ABCC4: variants seen among roughly 807,000 people sequenced by gnomAD.
ABCC4 encodes the protein ATP-binding cassette sub-family C member 4.
A neutral mutation model predicts 168.5 loss-of-function variants in ABCC4; 102 were observed. That is an observed-to-expected ratio of 0.61 (90% CI 0.52 to 0.71). The LOEUF (loss-of-function observed/expected upper bound fraction) is 0.71. Among genes scored for constraint, ABCC4 ranks in the 30% least tolerant of loss-of-function variants. The probability of loss-of-function intolerance (pLI) is 0.00; values close to 1 mark genes in which losing one functional copy is unlikely to be tolerated. For missense variants in ABCC4, 1,402 were observed against 1,605.8 expected (o/e 0.87, Z 2.17); for synonymous variants, 617 against 590.7 (o/e 1.04, Z -0.65).
chr13:95,210,783 T>A lies in ABCC4; in HGVS notation c.532-2A>T. ...GGCCATGTTACTAAGACGAAGTGCC[T>A]GAAATAAAAGAGGTAAGTAGAGAAT... On this transcript the variant is annotated splice_acceptor_variant, in intron 4 of 30. Transcript: ENST00000645237. LOFTEE classifies it high-confidence loss of function. 6.2e-7 allele frequency: 1 copy of A among 1,611,590 alleles called. No individual in the cohort carries two copies.
chr13:95,163,705 A>C, intron 16 of ABCC4, 58 bp from the exon 17 acceptor site: 11 of 1,419,312 alleles, frequency 7.8e-6, no homozygotes, highest in Non-Finnish European at 1.1e-5. Flanking sequence ...TTACCAACTC[A>C]AAACTCTCAA....
intron 1 of ABCC4, among the ~76,000 whole-genome samples, chr13:95,254,270 G>A (rs1041884782): frequency 6.6e-6 from 1 of 152,026 alleles, no homozygotes; most frequent in South Asian, 2.1e-4. Flanking sequence ...ATTTCTCAGA[G>A]TATTATATGT....
intron 20 of ABCC4, among the ~76,000 whole-genome samples, chr13:95,098,229 C>T (rs2034678109): frequency 1.3e-5 from 2 of 149,858 alleles, no homozygotes; most frequent in African/African-American, 4.9e-5. Flanking sequence ...CTAAGCAATA[C>T]TTAGAGGAAG....
chr13:95,259,841 T>C (rs1359607745), intron 1 of ABCC4, among the ~76,000 whole-genome samples: 1 of 144,940 alleles, frequency 6.9e-6, no homozygotes, highest in Non-Finnish European at 1.5e-5. Flanking sequence ...ACATGTTACA[T>C]CTGTGTAGTG....
At chr13:95,240,808 T>C (rs991884616) in intron 3 of ABCC4, among the ~76,000 whole-genome samples, 5 of 152,018 alleles carry the variant, frequency 3.3e-5, no homozygotes, top group African/African-American at 1.2e-4. Context: ...CTGTCTCTAC[T>C]AAAAATACAA....
At position 95,145,684 on chromosome 13, in the gene ABCC4, A is replaced by G. The variant is rs188783062; in HGVS notation, c.2455+15505T>C. 2.5e-3 allele frequency among the ~76,000 whole-genome samples: 376 copies of G among 152,146 alleles called. 1 individual carries two copies. The highest frequency in any genetic ancestry group is 4.2e-3 in the Non-Finnish European group (284 of 67,986). ...CATAGCACTATTCACAATAGCAAACACAAGGAGTCAACTTAGGTGCCCATC... is the reference window on the plus strand; with the variant it reads ...CATAGCACTATTCACAATAGCAAACGCAAGGAGTCAACTTAGGTGCCCATC... On this transcript the variant is annotated intron_variant, in intron 19 of 30. Coordinates refer to ENST00000645237, the MANE Select transcript of ABCC4 (RefSeq NM_005845.5).
intron 1 of ABCC4, among the ~76,000 whole-genome samples, chr13:95,257,898 C>T (rs546106141): frequency 1.3e-5 from 2 of 152,246 alleles, no homozygotes; most frequent in South Asian, 2.1e-4. Flanking sequence ...TTATCTGTCC[C>T]TGGGAAATAA....
At chr13:95,184,401 T>C (rs2037995079) in intron 11 of ABCC4, among the ~76,000 whole-genome samples, 1 of 152,126 alleles carries the variant, frequency 6.6e-6, no homozygotes. Flanking sequence ...GTTAAAATAG[T>C]TTTCTACCTT....
chr13:95,095,467 C>A (rs2034563487), intron 20 of ABCC4, among the ~76,000 whole-genome samples: 1 of 152,154 alleles, frequency 6.6e-6, no homozygotes, highest in Admixed American at 6.6e-5. Context: ...TATGTTCTCA[C>A]TGATACATGG....
chr13:95,072,662 C>T (rs2033772220), intron 24 of ABCC4, among the ~76,000 whole-genome samples: 1 of 152,144 alleles, frequency 6.6e-6, no homozygotes, highest in Non-Finnish European at 1.5e-5. Context: ...TTAAAGCCTC[C>T]TATACCACCA....
intron 19 of ABCC4, among the ~76,000 whole-genome samples, chr13:95,120,290 G>C (rs1402214835): frequency 6.6e-6 from 1 of 152,214 alleles, no homozygotes; most frequent in Non-Finnish European, 1.5e-5. Flanking sequence ...CTTTGAGCCA[G>C]GCGCGGTGGC....
chr13:95,070,903 T>A (rs2033701334), intron 25 of ABCC4, among the ~76,000 whole-genome samples: 1 of 152,180 alleles, frequency 6.6e-6, no homozygotes, highest in East Asian at 1.9e-4. Context: ...GGAAAGGGCC[T>A]GATAATGTTT....
chr13:95,145,447 C>T (rs2036459182), intron 19 of ABCC4, among the ~76,000 whole-genome samples: 1 of 150,568 alleles, frequency 6.6e-6, no homozygotes, highest in Non-Finnish European at 1.5e-5. Context: ...ATGGTAAAAC[C>T]CCATCTCTAC....
intron 8 of ABCC4, among the ~76,000 whole-genome samples, chr13:95,195,308 T>A (rs2038382610): frequency 6.6e-6 from 1 of 152,210 alleles, no homozygotes; most frequent in Non-Finnish European, 1.5e-5. Flanking sequence ...TTGGAAATGA[T>A]CTGATGAATA....
chr13:95,129,336 A>T (rs1372491994), intron 19 of ABCC4, among the ~76,000 whole-genome samples: 1 of 152,264 alleles, frequency 6.6e-6, no homozygotes, highest in Admixed American at 6.5e-5. Flanking sequence ...ATATTAAAGC[A>T]TAAAGGTAGC....
At chr13:95,055,984 G>T (rs1312006016) in intron 26 of ABCC4, 2 of 151,962 alleles carry the variant, frequency 1.3e-5, no homozygotes, top group African/African-American at 4.8e-5. Context: ...CCCTCAGCAG[G>T]ACTGCAAGAC....
chr13:95,034,772 A>G, intron 29 of ABCC4, 33 bp from the exon 30 acceptor site: 1 of 1,613,306 alleles, frequency 6.2e-7, no homozygotes, highest in Non-Finnish European at 8.5e-7. Flanking sequence ...CCATTGAAAC[A>G]CAATGTTTTG....
intron 25 of ABCC4, among the ~76,000 whole-genome samples, chr13:95,066,412 AG>A (rs11365887): frequency 0.039 from 5,978 of 152,242 alleles, 426 homozygotes; most frequent in African/African-American, 0.14. Flanking sequence ...ACTAGGCGAC[AG>A]GTGCTGTGGG....
chr13:95,255,510 C>T (rs543783960), intron 1 of ABCC4, among the ~76,000 whole-genome samples: 1 of 152,330 alleles, frequency 6.6e-6, no homozygotes, highest in East Asian at 1.9e-4. Flanking sequence ...AGAGCACCCA[C>T]ACCACAGGTG....
Sources: allele counts gnomAD v4.1 joint callset (sites outside exome capture counted in the v4.1 genomes callset), GRCh38; gene constraint gnomAD v4.1.1; transcripts MANE v1.5; gene names NCBI Gene and HGNC (gene_info 2026-07-23, HGNC 2026-07-21).